NLRP13: variants seen among roughly 807,000 people sequenced by gnomAD.
NLRP13 encodes NACHT, LRR and PYD domains-containing protein 13.
A neutral mutation model predicts 94.4 loss-of-function variants in NLRP13; 82 were observed. The ratio of observed to expected loss-of-function variants is 0.87; its 90% CI spans 0.73 to 1.04. The LOEUF (loss-of-function observed/expected upper bound fraction) is 1.04. NLRP13 is among the 50% of genes least tolerant of loss of function. The pLI, the probability that NLRP13 is intolerant of heterozygous loss-of-function variation, is 0.00. For synonymous variants in NLRP13, 553 were observed against 464.7 expected (o/e 1.19, Z -2.45); for missense variants, 1,426 against 1,230.8 (o/e 1.16, Z -2.37).
At chr19:55,910,449 C>G in intron 6 of NLRP13, 114 bp downstream of exon 6, 1 of 982,712 alleles carries the variant, frequency 1.0e-6, no homozygotes, top group South Asian at 2.5e-5. Flanking sequence ...TTTATTTTAT[C>G]CTCCTGAGCA....
rs146785585 is a variant in NLRP13 at position 55,932,003 on chromosome 19, G to C, written c.309C>G (p.Ala103=). 399 of 1,613,152 alleles carry C rather than the reference G, an allele frequency of 2.5e-4. 1 individual carries two copies. The African/African-American group carries it at 4.8e-3, about 19-fold the overall frequency. ...NLTSLCEKVR[A]EMKENVQTQE... is the part of the protein sequence containing the mutation. The stretch of plus-strand genomic sequence containing the variant: ...CTTGAGGACTCTCACCTTTCATCTC[G>C]GCTCTAACTTTCTCACACAGTGAGG... Residue 103 remains alanine (A), a synonymous_variant, in exon 1 of 11, where the codon GCC becomes GCG. Transcript: ENST00000342929.
At chr19:55,923,876 G>C (rs775627247) in intron 4 of NLRP13, 38 bp downstream of exon 4, 1 of 1,504,074 alleles carries the variant, frequency 6.6e-7, no homozygotes, top group Non-Finnish European at 9.3e-7. Context: ...TGCTCGTCAA[G>C]CAACCTGTCC....
chr19:55,898,486 A>T (rs571658419), intron 10 of NLRP13, among the ~76,000 whole-genome samples: 73 of 151,710 alleles, frequency 4.8e-4, no homozygotes, highest in Non-Finnish European at 8.4e-4. Context: ...CTGGGATTAC[A>T]GGTGTGAGCC....
chr19:55,912,225 C>T lies in NLRP13; in HGVS notation c.1592G>A (p.Cys531Tyr). The T allele has an allele frequency of 6.2e-7, 1 of 1,614,144 alleles. No individual in the cohort carries two copies. Among genetic ancestry groups the T allele is most frequent in the Non-Finnish European group, 8.5e-7 (1 of 1,180,000 alleles). ...GAAACTTAGGTGGGTGAAAGTAGTG[C>T]AACCCCCACAGTCATTGATCTTTTG... ...ILQKINDCGG[C>Y]TTFTHLSFQE... The change falls in exon 5 of 11, where the codon TGC (cysteine) becomes TAC (tyrosine). Residue 531 changes from cysteine to tyrosine, a missense_variant. Transcript: ENST00000342929.
At chr19:55,913,578 A>T (rs1243275728) in intron 4 of NLRP13, among the ~76,000 whole-genome samples, 1 of 148,634 alleles carries the variant, frequency 6.7e-6, no homozygotes, top group African/African-American at 2.5e-5. Context: ...AAAAGTTGCA[A>T]AATATGAAGA....
chr19:55,930,900 A>ATT (rs56336813), intron 1 of NLRP13, among the ~76,000 whole-genome samples: 18 of 105,152 alleles, frequency 1.7e-4, no homozygotes, highest in African/African-American at 4.5e-4. Context: ...ATATATATAA[A>ATT]ATTTTAACCA....
chr19:55,932,153 C>T lies in NLRP13; in HGVS notation c.159G>A (p.Pro53=), dbSNP rs12610617. Residue 53 remains proline, a synonymous_variant, in exon 1 of 11, where the codon CCG becomes CCA. Coordinates refer to ENST00000342929, the MANE Select transcript of NLRP13 (RefSeq NM_176810.2). ...DFWSAPQGHF[P]RIPWANLRAA... is the part of the protein sequence containing the mutation. ...CTCTCAAGTTTGCCCAGGGGATACG[C>T]GGGAAGTGCCCCTGGGGGGCCGACC... The T allele has an allele frequency of 0.023, 37,222 of 1,614,056 alleles. 2,378 individuals carry two copies. In the East Asian group the frequency reaches 0.27, roughly 12 times the overall value.
At chr19:55,903,512 G>A (rs888588810) in intron 8 of NLRP13, among the ~76,000 whole-genome samples, 2 of 152,076 alleles carry the variant, frequency 1.3e-5, no homozygotes, top group Admixed American at 6.6e-5. Flanking sequence ...ACTGTACGGG[G>A]TCTCTCATTC....
At chr19:55,897,269 A>T (rs564919122) in intron 10 of NLRP13, among the ~76,000 whole-genome samples, 1 of 152,306 alleles carries the variant, frequency 6.6e-6, no homozygotes, top group East Asian at 1.9e-4. Context: ...CAGTAATCCC[A>T]ACACTTTGGG....
Position 55,910,739 on chromosome 19 carries a change from T to C in NLRP13, c.2112-6A>G, listed in dbSNP as rs1283903843. On this transcript the variant is annotated splice_region_variant and splice_polypyrimidine_tract_variant and intron_variant, in intron 5 of 10. Coordinates refer to ENST00000342929, the MANE Select transcript of NLRP13 (RefSeq NM_176810.2). Reference sequence around the variant, plus strand: ...TGGAATCAAACTTGCTTGTCCTTCATGAGGGAGAGACAGAACACGGATAAG... The same window carrying C: ...TGGAATCAAACTTGCTTGTCCTTCACGAGGGAGAGACAGAACACGGATAAG... The C allele has an allele frequency of 1.2e-6, 2 of 1,601,984 alleles. No individual in the cohort carries two copies. The highest frequency in any genetic ancestry group is 1.7e-6 in the Non-Finnish European group (2 of 1,170,880).
intron 1 of NLRP13, among the ~76,000 whole-genome samples, chr19:55,929,330 G>C (rs1223613165): frequency 1.3e-5 from 2 of 152,262 alleles, no homozygotes; most frequent in East Asian, 3.9e-4. Flanking sequence ...GCACACATAT[G>C]GTTATTGCAG....
At chr19:55,909,289 C>T (rs116084577) in intron 6 of NLRP13, among the ~76,000 whole-genome samples, 11,638 of 152,242 alleles carry the variant, frequency 0.076, 494 homozygotes, top group Middle Eastern at 0.11. Flanking sequence ...CTCCTTGGAT[C>T]ATATTAGCAG....
chr19:55,928,702 T>C (rs1330161447), intron 1 of NLRP13, among the ~76,000 whole-genome samples: 1 of 152,206 alleles, frequency 6.6e-6, no homozygotes, highest in East Asian at 1.9e-4. Context: ...ATTTAAGAGT[T>C]CTAAATCTCT....
chr19:55,931,718 A>AGACAGACAG, intron 1 of NLRP13, among the ~76,000 whole-genome samples: 1 of 96,032 alleles, frequency 1.0e-5, no homozygotes, highest in African/African-American at 4.1e-5. Flanking sequence ...TCAAAAAAAA[A>AGACAGACAG]AAAAAAAGAA....
chr19:55,916,004 C>T (rs1233082124), intron 4 of NLRP13, among the ~76,000 whole-genome samples: 3 of 152,152 alleles, frequency 2.0e-5, no homozygotes, highest in Non-Finnish European at 2.9e-5. Flanking sequence ...GCTTGGGAAC[C>T]AGATAAGCTT....
intron 9 of NLRP13, 32 bp from the exon 10 acceptor site, chr19:55,898,969 A>G (rs767337069): frequency 6.3e-7 from 1 of 1,599,874 alleles, no homozygotes. Context: ...AAGGGGGGAA[A>G]GTAATTGCGT....
chr19:55,903,277 G>A (rs1042232173), intron 8 of NLRP13, among the ~76,000 whole-genome samples: 4 of 152,124 alleles, frequency 2.6e-5, no homozygotes, highest in South Asian at 2.1e-4. Context: ...AGTGCCGAAT[G>A]AGCAGTGAAC....
At chr19:55,921,581 T>A (rs1986828270) in intron 4 of NLRP13, among the ~76,000 whole-genome samples, 1 of 152,136 alleles carries the variant, frequency 6.6e-6, no homozygotes, top group Non-Finnish European at 1.5e-5. Context: ...CCATGACACA[T>A]CCATACAAAG....
chr19:55,929,082 C>T (rs8101275), intron 1 of NLRP13, among the ~76,000 whole-genome samples: 20,303 of 152,116 alleles, frequency 0.13, 1,480 homozygotes, highest in East Asian at 0.22. Flanking sequence ...AATGAGATAC[C>T]ATCTCACGCC....
Sources: allele counts gnomAD v4.1 joint callset (sites outside exome capture counted in the v4.1 genomes callset), GRCh38; gene constraint gnomAD v4.1.1; transcripts MANE v1.5; gene names NCBI Gene and HGNC (gene_info 2026-07-23, HGNC 2026-07-21).